CFAP299: variants seen among roughly 807,000 people sequenced by gnomAD.
The protein encoded by CFAP299 is cilia- and flagella-associated protein 299.
In CFAP299, 21 loss-of-function variants were observed where a neutral mutation model predicts 27.0. The ratio of observed to expected loss-of-function variants is 0.78; its 90% CI spans 0.55 to 1.12. CFAP299 has a LOEUF of 1.12. CFAP299 is among the 50% of genes most tolerant of loss of function. The pLI is 0.00. For missense variants in CFAP299, 310 were observed against 276.6 expected, an observed-to-expected ratio of 1.12 and a Z score of -0.86; for synonymous variants, 104 against 98.1, an observed-to-expected ratio of 1.06 and a Z score of -0.36.
At chr4:80,482,054 TA>T (rs955484922) in intron 2 of CFAP299, among the ~76,000 whole-genome samples, 6 of 151,820 alleles carry the variant, frequency 4.0e-5, no homozygotes, top group African/African-American at 1.2e-4. Flanking sequence ...TGGATAGTAA[TA>T]AAAAAAGTGG....
intron 3 of CFAP299, among the ~76,000 whole-genome samples, chr4:80,599,980 A>T (rs566013198): frequency 9.9e-5 from 15 of 152,240 alleles, no homozygotes; most frequent in Non-Finnish European, 1.6e-4. Flanking sequence ...CTCAAAGGGA[A>T]AAATTAGTAA....
rs560798795 is a variant in CFAP299 at position 80,359,944 on chromosome 4, C to T, written c.112-2810C>T. On this transcript the variant is annotated intron_variant, in intron 1 of 5. Coordinates refer to ENST00000358105, the MANE Select transcript of CFAP299 (RefSeq NM_152770.3). ...ATTCTTGTGCTGATTCTTTCACACCCTTGTGGGCTTATGTACTTTCAATTT... is the reference window on the plus strand; with the variant it reads ...ATTCTTGTGCTGATTCTTTCACACCTTTGTGGGCTTATGTACTTTCAATTT... Among the ~76,000 whole-genome samples the T allele has an allele frequency of 3.5e-4, 53 of 152,298 alleles. 1 individual carries two copies. In the South Asian group the frequency reaches 7.9e-3, roughly 23 times the overall value.
At chr4:80,938,374 G>A (rs1221501358) in intron 4 of CFAP299, among the ~76,000 whole-genome samples, 1 of 152,186 alleles carries the variant, frequency 6.6e-6, no homozygotes, top group Non-Finnish European at 1.5e-5. Context: ...GCTTAAAGGT[G>A]TTCTTAAACC....
At chr4:80,476,176 C>CA in intron 2 of CFAP299, among the ~76,000 whole-genome samples, 1 of 152,206 alleles carries the variant, frequency 6.6e-6, no homozygotes, top group East Asian at 1.9e-4. Context: ...CCTTAGCACT[C>CA]ACAGCTTCAC....
chr4:80,870,604 C>T (rs939556457), intron 4 of CFAP299: 22 of 986,028 alleles, frequency 2.2e-5, no homozygotes, highest in Non-Finnish European at 2.6e-5. Context: ...TTTTTACTAC[C>T]AATGCTTGCC....
At chr4:80,857,849 A>T (rs13129105) in intron 3 of CFAP299, among the ~76,000 whole-genome samples, 22,074 of 152,130 alleles carry the variant, frequency 0.15, 1,949 homozygotes, top group Middle Eastern at 0.26. Flanking sequence ...TTCATCAAGG[A>T]TATTGGTCTA....
chr4:80,894,166 A>T (rs1578219094), intron 4 of CFAP299, among the ~76,000 whole-genome samples: 1 of 151,988 alleles, frequency 6.6e-6, no homozygotes, highest in South Asian at 2.1e-4. Flanking sequence ...TCACAATAAA[A>T]TATCACCTCA....
chr4:80,473,957 A>G (rs2110119211), intron 2 of CFAP299, among the ~76,000 whole-genome samples: 2 of 152,336 alleles, frequency 1.3e-5, no homozygotes, highest in East Asian at 1.9e-4. Flanking sequence ...TTACAGTCAC[A>G]TAATTCTTTT....
chr4:80,744,384 T>G (rs1157361669), intron 3 of CFAP299, among the ~76,000 whole-genome samples: 1 of 150,386 alleles, frequency 6.6e-6, no homozygotes, highest in Non-Finnish European at 1.5e-5. Context: ...CCCAGAAGTG[T>G]TTTTATGACT....
intron 3 of CFAP299, among the ~76,000 whole-genome samples, chr4:80,762,857 T>C (rs1324940322): frequency 1.3e-5 from 2 of 152,168 alleles, no homozygotes; most frequent in African/African-American, 4.8e-5. Context: ...GAGACAGCTA[T>C]AGATCCCATA....
At chr4:80,643,134 A>G (rs1446904387) in intron 3 of CFAP299, among the ~76,000 whole-genome samples, 1 of 152,064 alleles carries the variant, frequency 6.6e-6, no homozygotes. Flanking sequence ...CTGTCTCTAA[A>G]TAAATAAATA....
Position 80,386,876 on chromosome 4 carries a change from G to A in CFAP299, c.242+23992G>A, listed in dbSNP as rs144885400. ...ACAGTTTGTCCTTGAGGTTGAATGC[G>A]GACTCGCACACCGAGCATTTGTAGG... is the stretch of plus-strand genomic sequence containing the variant. On this transcript the variant is annotated intron_variant, in intron 2 of 5. Coordinates refer to ENST00000358105, the MANE Select transcript of CFAP299 (RefSeq NM_152770.3). The A allele has an allele frequency of 9.2e-4, 786 of 851,056 alleles. 2 individuals carry two copies. The highest frequency in any genetic ancestry group is 1.2e-3 in the Non-Finnish European group (602 of 488,048). 52.7% of individuals were successfully genotyped at this position (851,056 alleles called of 1,614,324 possible). A position where few individuals can be genotyped will look rare whatever the true frequency, so the allele number is the denominator to read the frequency against.
At chr4:80,498,771 C>A (rs1578518863) in intron 2 of CFAP299, among the ~76,000 whole-genome samples, 1 of 152,186 alleles carries the variant, frequency 6.6e-6, no homozygotes, top group Middle Eastern at 3.4e-3. Context: ...AGAAATAATT[C>A]TACTATTAAA....
chr4:80,884,939 G>A (rs72865175), intron 4 of CFAP299, among the ~76,000 whole-genome samples: 5,571 of 152,160 alleles, frequency 0.037, 245 homozygotes, highest in African/African-American at 0.11. Flanking sequence ...ATTTCTTATC[G>A]CTAAAAGAAG....
chr4:80,403,117 A>G (rs888936800), intron 2 of CFAP299, among the ~76,000 whole-genome samples: 1 of 152,240 alleles, frequency 6.6e-6, no homozygotes, highest in African/African-American at 2.4e-5. Flanking sequence ...AAAATTAGCA[A>G]AAATGTTTTT....
At chr4:80,520,092 A>G (rs1489990709) in intron 2 of CFAP299, among the ~76,000 whole-genome samples, 1 of 152,196 alleles carries the variant, frequency 6.6e-6, no homozygotes, top group East Asian at 1.9e-4. Context: ...GACAGAGTGA[A>G]AAAAGCAGGT....
intron 2 of CFAP299, among the ~76,000 whole-genome samples, chr4:80,398,286 C>T (rs1725932187): frequency 2.0e-5 from 3 of 152,158 alleles, no homozygotes; most frequent in South Asian, 2.1e-4. Context: ...AGATTCAATG[C>T]TGTCCCCATC....
chr4:80,894,492 C>A (rs918830536), intron 4 of CFAP299, among the ~76,000 whole-genome samples: 4 of 151,964 alleles, frequency 2.6e-5, no homozygotes, highest in African/African-American at 9.7e-5. Context: ...CAGTGTGAGG[C>A]ACAGCTTAGC....
chr4:80,878,306 C>T (rs934380165), intron 4 of CFAP299, among the ~76,000 whole-genome samples: 1 of 152,046 alleles, frequency 6.6e-6, no homozygotes, highest in African/African-American at 2.4e-5. Flanking sequence ...CTGATTGTTT[C>T]CTTGTGGTAA....
Sources: gnomAD v4.1 joint callset for allele counts (sites outside exome capture counted in the v4.1 genomes callset) on GRCh38, gnomAD v4.1.1 for gene constraint, MANE v1.5 for transcripts, NCBI Gene and HGNC (gene_info 2026-07-23, HGNC 2026-07-21) for gene names.